The following STK3 variants were observed in gnomAD, a reference collection of about 807,000 sequenced individuals.
STK3 encodes the protein serine/threonine-protein kinase 3.
STK3 carries 41 observed loss-of-function variants against 58.0 expected under a neutral mutation model. The observed-to-expected ratio is 0.71, with a 90% CI of 0.55 to 0.92. STK3 has a LOEUF of 0.92. STK3 is among the 40% of genes least tolerant of loss of function. STK3 has a pLI of 0.00. For missense variants in STK3, 479 were observed against 602.7 expected, an observed-to-expected ratio of 0.79 and a Z score of 2.15; for synonymous variants, 170 against 191.0, an observed-to-expected ratio of 0.89 and a Z score of 0.91.
At chr8:98,941,994 G>C (rs561508929) in intron 1 of STK3, among the ~76,000 whole-genome samples, 1 of 152,228 alleles carries the variant, frequency 6.6e-6, no homozygotes, top group East Asian at 1.9e-4. Flanking sequence ...TGCAGACTCC[G>C]GGACTTCCCT....
Position 98,579,639 on chromosome 8 carries a change from C to G in STK3, c.948+25G>C, listed in dbSNP as rs115187428. 1.4e-3 allele frequency: 2,220 copies of G among 1,596,026 alleles called. 26 individuals are homozygous for G. In the African/African-American group the frequency reaches 0.026, roughly 19 times the overall value. On this transcript the variant is annotated intron_variant, in intron 8 of 10. Transcript: ENST00000419617. ...GACAAATAACTCAGAAGAAAAAAATCAACTTTTTGAAGATAATTACAAACC... is the reference window on the plus strand; with the variant it reads ...GACAAATAACTCAGAAGAAAAAAATGAACTTTTTGAAGATAATTACAAACC...
chr8:98,699,549 G>A (rs1825349386), intron 6 of STK3, among the ~76,000 whole-genome samples: 1 of 152,098 alleles, frequency 6.6e-6, no homozygotes, highest in African/African-American at 2.4e-5. Context: ...TGGTGTGGAT[G>A]TCCTTTCTGT....
chr8:98,738,672 G>A (rs28667765), intron 4 of STK3, among the ~76,000 whole-genome samples: 1,593 of 152,278 alleles, frequency 0.01, 27 homozygotes, highest in African/African-American at 0.035. Flanking sequence ...CGCAGAAGAC[G>A]GGTGATTTCT....
chr8:98,679,334 C>G (rs1311932224), intron 6 of STK3, among the ~76,000 whole-genome samples: 1 of 152,166 alleles, frequency 6.6e-6, no homozygotes, highest in Non-Finnish European at 1.5e-5. Flanking sequence ...TAAGTTGGCT[C>G]TGCCTAGATA....
chr8:98,884,954 C>T (rs1837924269), intron 1 of STK3, among the ~76,000 whole-genome samples: 1 of 152,170 alleles, frequency 6.6e-6, no homozygotes, highest in Admixed American at 6.5e-5. Context: ...TGCCTAAAAA[C>T]TCAAAGAACA....
chr8:98,896,535 C>G (rs894145955), intron 1 of STK3, among the ~76,000 whole-genome samples: 1 of 152,134 alleles, frequency 6.6e-6, no homozygotes, highest in African/African-American at 2.4e-5. Context: ...CAAACAGTAG[C>G]CTTGTCATAG....
intron 4 of STK3, among the ~76,000 whole-genome samples, chr8:98,733,711 C>T (rs758176985): frequency 7.9e-5 from 12 of 152,070 alleles, no homozygotes; most frequent in Non-Finnish European, 1.2e-4. Context: ...CAGAATTTGG[C>T]TTTTTACATA....
At chr8:98,475,639 C>T (rs1363592657) in intron 10 of STK3, among the ~76,000 whole-genome samples, 1 of 152,146 alleles carries the variant, frequency 6.6e-6, no homozygotes, top group African/African-American at 2.4e-5. Flanking sequence ...TAAAAATAGA[C>T]AACTCTCTTA....
At position 98,825,500 on chromosome 8, in the gene STK3, TC is replaced by T; in HGVS notation, c.26+14del. 6.9e-7 allele frequency: 1 copy of T among 1,444,292 alleles called. No homozygotes were observed. The highest frequency in any genetic ancestry group is 9.1e-7 in the Non-Finnish European group (1 of 1,093,272). The allele number at this position is 1,444,292 out of a possible 1,614,324, so 89.5% of individuals were successfully genotyped here. A position where few individuals can be genotyped will look rare whatever the true frequency, so the allele number is the denominator to read the frequency against. ...GCGCCGCTTCCCTCCTTCTTCCCGC[TC>T]CCCGATTCGTTACCTCTTAGGCGCC... On this transcript the variant is annotated intron_variant, in intron 1 of 10. Transcript: ENST00000419617.
rs546772486 is a variant in STK3 at position 98,712,958 on chromosome 8, C to G, written c.352-5647G>C. Among the ~76,000 whole-genome samples the G allele has an allele frequency of 1.8e-4, 28 of 152,286 alleles. 1 individual carries two copies. The South Asian group carries it at 3.3e-3, about 18-fold the overall frequency. On this transcript the variant is annotated intron_variant, in intron 4 of 10. Coordinates refer to ENST00000419617, the MANE Select transcript of STK3 (RefSeq NM_006281.4). The stretch of plus-strand genomic sequence containing the variant: ...TCTCTCAGACTACAGTGCAATCAAA[C>G]TAGAACTCAGGATTAAGAAACTCAC...
At chr8:98,404,311 A>C (rs1817973174) in intron 3 of STK3, among the ~76,000 whole-genome samples, 1 of 152,168 alleles carries the variant, frequency 6.6e-6, no homozygotes, top group Non-Finnish European at 1.5e-5. Context: ...CTGAAGCAGG[A>C]AGATCACTTG....
intron 4 of STK3, among the ~76,000 whole-genome samples, chr8:98,736,092 C>T (rs1303897866): frequency 6.6e-6 from 1 of 152,024 alleles, no homozygotes; most frequent in Non-Finnish European, 1.5e-5. Flanking sequence ...GATAGCCTAC[C>T]TAATAGTCAA....
chr8:98,426,437 G>T (rs1319689412), intron 3 of STK3, among the ~76,000 whole-genome samples: 1 of 152,104 alleles, frequency 6.6e-6, no homozygotes, highest in East Asian at 1.9e-4. Context: ...CACCGGCCTG[G>T]ACACAAACTG....
At chr8:98,871,266 G>A (rs1428040878) in intron 3 of STK3, among the ~76,000 whole-genome samples, 1 of 152,172 alleles carries the variant, frequency 6.6e-6, no homozygotes, top group East Asian at 1.9e-4. Flanking sequence ...ATAGTTTGAG[G>A]TCAGGAAGTG....
At chr8:98,881,614 GA>G (rs974692082), downstream of STK3, 1 of 152,188 alleles carries the variant, frequency 6.6e-6, no homozygotes, top group African/African-American at 2.4e-5. Flanking sequence ...GAAATGTTGG[GA>G]GGGGGAGAAA....
upstream of STK3, chr8:98,388,266 T>C (rs1817812718): frequency 6.6e-6 from 1 of 152,164 alleles, no homozygotes; most frequent in East Asian, 1.9e-4. Flanking sequence ...GAAGAAAGAA[T>C]GATAGAATTA....
chr8:98,871,325 G>C (rs1451904098), intron 3 of STK3, among the ~76,000 whole-genome samples: 1 of 151,700 alleles, frequency 6.6e-6, no homozygotes, highest in Non-Finnish European at 1.5e-5. Context: ...TTGGCAATGC[G>C]GGCTCTTTTT....
chr8:98,796,734 A>T (rs1206788762), intron 1 of STK3, among the ~76,000 whole-genome samples: 2 of 152,234 alleles, frequency 1.3e-5, no homozygotes, highest in East Asian at 3.8e-4. Context: ...AATATCTAGA[A>T]TCTGTAAGAA....
chr8:98,795,109 T>C (rs2442016), intron 1 of STK3, among the ~76,000 whole-genome samples: 1 of 35,670 alleles, frequency 2.8e-5, no homozygotes, highest in South Asian at 2.0e-3. Context: ...AAAAAATATA[T>C]ATATATATAT....
Sources: allele counts gnomAD v4.1 joint callset (sites outside exome capture counted in the v4.1 genomes callset), GRCh38; gene constraint gnomAD v4.1.1; transcripts MANE v1.5; gene names NCBI Gene and HGNC (gene_info 2026-07-23, HGNC 2026-07-21).